The following RAD51B variants were observed in gnomAD, a reference collection of about 807,000 sequenced individuals.
The protein encoded by RAD51B is RAD51 paralog B.
A neutral mutation model predicts 42.2 loss-of-function variants in RAD51B; 38 were observed. That is an observed-to-expected ratio of 0.90 (90% confidence interval 0.70 to 1.18). RAD51B has a LOEUF of 1.18. Among genes scored for constraint, RAD51B ranks in the 50% most tolerant of loss-of-function variants. The pLI is 0.00. For missense variants in RAD51B, 373 were observed against 400.7 expected (o/e 0.93, Z 0.59); for synonymous variants, 154 against 145.2 (o/e 1.06, Z -0.43).
intron 8 of RAD51B, among the ~76,000 whole-genome samples, chr14:68,297,183 C>G (rs545314273): frequency 2.6e-5 from 4 of 152,298 alleles, no homozygotes; most frequent in Admixed American, 2.6e-4. Flanking sequence ...TGGGACAAAT[C>G]AGAGACTCAT....
intron 4 of RAD51B, among the ~76,000 whole-genome samples, chr14:67,863,761 A>G (rs2042235886): frequency 6.6e-6 from 1 of 152,190 alleles, no homozygotes; most frequent in Non-Finnish European, 1.5e-5. Context: ...TAAAGGAGAT[A>G]TTTCTAAACA....
At chr14:68,599,479 AGACTCAGGCCATCT>A (rs113223286), downstream of RAD51B, among the ~76,000 whole-genome samples, 3,183 of 152,274 alleles carry the variant, frequency 0.021, 109 homozygotes, top group African/African-American at 0.072. Context: ...TCCAGGTTGC[AGACTCAGGCCATCT>A]GACTCTAAGA....
intron 7 of RAD51B, among the ~76,000 whole-genome samples, chr14:68,284,093 A>G (rs2081371888): frequency 6.6e-6 from 1 of 152,166 alleles, no homozygotes; most frequent in African/African-American, 2.4e-5. Flanking sequence ...GGGCTCCCCT[A>G]CTAGGCAGAG....
chr14:67,963,198 CTA>C (rs879424839), intron 7 of RAD51B, among the ~76,000 whole-genome samples: 3 of 151,800 alleles, frequency 2.0e-5, no homozygotes, highest in Admixed American at 2.0e-4. Flanking sequence ...CATCCATTAT[CTA>C]TGTGTATATG....
chr14:68,312,785 A>G (rs2081987813), intron 8 of RAD51B, among the ~76,000 whole-genome samples: 1 of 152,244 alleles, frequency 6.6e-6, no homozygotes, highest in Non-Finnish European at 1.5e-5. Flanking sequence ...AAATGTTGCT[A>G]AGAGCAATTT....
At chr14:68,040,127 T>G (rs370766807) in intron 7 of RAD51B, among the ~76,000 whole-genome samples, 4 of 152,354 alleles carry the variant, frequency 2.6e-5, no homozygotes, top group African/African-American at 9.6e-5. Flanking sequence ...CATATATGAA[T>G]AAGGATGAAG....
chr14:68,349,651 C>T (rs1295791050), intron 8 of RAD51B, among the ~76,000 whole-genome samples: 2 of 152,198 alleles, frequency 1.3e-5, no homozygotes, highest in Non-Finnish European at 2.9e-5. Context: ...CAGGCATGAG[C>T]CACCATGCCT....
chr14:67,922,988 GC>G (rs1456294839), intron 7 of RAD51B, among the ~76,000 whole-genome samples: 2 of 152,166 alleles, frequency 1.3e-5, no homozygotes, highest in African/African-American at 4.8e-5. Context: ...ACTGCGCCCA[GC>G]CGTAATATGT....
intron 8 of RAD51B, among the ~76,000 whole-genome samples, chr14:68,402,486 G>A (rs1366466033): frequency 4.6e-5 from 7 of 152,158 alleles, no homozygotes; most frequent in Admixed American, 3.9e-4. Context: ...CCCTAGTCTC[G>A]CACTCAGACT....
At chr14:68,554,073 C>T (rs141307939) in intron 10 of RAD51B, among the ~76,000 whole-genome samples, 345 of 152,140 alleles carry the variant, frequency 2.3e-3, no homozygotes, top group African/African-American at 8.0e-3. Flanking sequence ...CTAAGTGGGT[C>T]CCCCATTTTC....
At chr14:68,039,295 G>GC (rs1037121445) in intron 7 of RAD51B, among the ~76,000 whole-genome samples, 2 of 151,950 alleles carry the variant, frequency 1.3e-5, no homozygotes, top group Non-Finnish European at 2.9e-5. Context: ...GGGTGTGGTG[G>GC]CGCATGCCTG....
chr14:67,843,610 G>A (rs1372921831), intron 4 of RAD51B: 1 of 151,860 alleles, frequency 6.6e-6, no homozygotes, highest in Admixed American at 6.6e-5. Flanking sequence ...AGGAATTTAT[G>A]CATTTCTTCT....
intron 7 of RAD51B, among the ~76,000 whole-genome samples, chr14:68,262,746 A>G (rs894542599): frequency 3.3e-5 from 5 of 152,180 alleles, no homozygotes; most frequent in African/African-American, 1.2e-4. Flanking sequence ...TCTCTCCTGA[A>G]GCTAAGGAGT....
intron 10 of RAD51B, among the ~76,000 whole-genome samples, chr14:68,488,466 G>A (rs573712204): frequency 6.6e-6 from 1 of 152,238 alleles, no homozygotes; most frequent in South Asian, 2.1e-4. Flanking sequence ...GCTTAGTCCA[G>A]TTTTAGCAAG....
intron 7 of RAD51B, among the ~76,000 whole-genome samples, chr14:68,156,352 C>G (rs1199010129): frequency 6.6e-6 from 1 of 151,938 alleles, no homozygotes; most frequent in South Asian, 2.1e-4. Context: ...ATTGTTATTC[C>G]TAGTTTTTTA....
At chr14:68,231,605 A>G (rs1039840596) in intron 7 of RAD51B, among the ~76,000 whole-genome samples, 2 of 152,228 alleles carry the variant, frequency 1.3e-5, no homozygotes, top group African/African-American at 2.4e-5. Context: ...TCATTGCTCA[A>G]CAAGTTCCTT....
chr14:68,009,080 C>A (rs2075641605), intron 7 of RAD51B, among the ~76,000 whole-genome samples: 1 of 151,960 alleles, frequency 6.6e-6, no homozygotes, highest in South Asian at 2.1e-4. Flanking sequence ...GAGCCATCTC[C>A]CTAGTTTCAG....
chr14:68,294,790 C>A (rs959234073), intron 8 of RAD51B, among the ~76,000 whole-genome samples: 3 of 152,210 alleles, frequency 2.0e-5, no homozygotes, highest in African/African-American at 7.2e-5. Flanking sequence ...TTTAATAAAT[C>A]TTAGCACTGA....
At chr14:68,212,093 T>C (rs1408995870) in intron 7 of RAD51B, among the ~76,000 whole-genome samples, 3 of 152,246 alleles carry the variant, frequency 2.0e-5, no homozygotes, top group Admixed American at 6.5e-5. Flanking sequence ...GAAGGCATCA[T>C]GCCTAAGTCT....
Sources: allele counts gnomAD v4.1 joint callset (sites outside exome capture counted in the v4.1 genomes callset), GRCh38; gene constraint gnomAD v4.1.1; transcripts MANE v1.5; gene names NCBI Gene and HGNC (gene_info 2026-07-23, HGNC 2026-07-21).